The following BMAL1 variants were observed in gnomAD, a reference collection of about 807,000 sequenced individuals.
BMAL1 encodes the protein basic helix-loop-helix ARNT-like protein 1.
chr11:13,351,115 G>A, the BMAL1 span, among the ~76,000 whole-genome samples: 353 of 152,278 alleles, frequency 2.3e-3, 1 homozygote, highest in African/African-American at 8.2e-3. Context: ...AAAACATTAC[G>A]TAGGTGGCTG....
chr11:13,357,237 G>T, the BMAL1 span: 1 of 1,281,904 alleles, frequency 7.8e-7, no homozygotes. The surrounding 1 kb of genome is among the most constrained non-coding windows in gnomAD (Gnocchi z 4.8). Context: ...CAGGTAGTGG[G>T]CCTTGGCCGA....
At chr11:13,356,985 A>G in the BMAL1 span, 1 of 1,609,608 alleles carries the variant, frequency 6.2e-7, no homozygotes, top group Non-Finnish European at 8.5e-7. Context: ...AGAAGAAAAC[A>G]GCAATGTGTA....
chr11:13,320,948 G>A, the BMAL1 span, among the ~76,000 whole-genome samples: 1 of 152,212 alleles, frequency 6.6e-6, no homozygotes, highest in Non-Finnish European at 1.5e-5. Context: ...AGAGAAGATA[G>A]ACCATAAATA....
the BMAL1 span, among the ~76,000 whole-genome samples, chr11:13,341,369 A>G: frequency 6.6e-6 from 1 of 152,110 alleles, no homozygotes; most frequent in Admixed American, 6.5e-5. Context: ...CCAAGATCCT[A>G]TAATATTCCT....
chr11:13,295,914 G>A, the BMAL1 span, among the ~76,000 whole-genome samples: 2 of 152,066 alleles, frequency 1.3e-5, no homozygotes, highest in African/African-American at 4.8e-5. Flanking sequence ...GCCACCCCCA[G>A]TCCCCTTCCT....
At chr11:13,344,596 G>A in the BMAL1 span, among the ~76,000 whole-genome samples, 3 of 152,232 alleles carry the variant, frequency 2.0e-5, no homozygotes, top group Non-Finnish European at 4.4e-5. Context: ...GCAAACACCT[G>A]TTACCTTAGG....
At chr11:13,362,765 C>T in the BMAL1 span, among the ~76,000 whole-genome samples, 1 of 152,238 alleles carries the variant, frequency 6.6e-6, no homozygotes, top group African/African-American at 2.4e-5. Context: ...CGAGAGCTGC[C>T]GTCGGTGCCA....
At chr11:13,353,243 C>G in the BMAL1 span, 3 of 154,264 alleles carry the variant, frequency 1.9e-5, no homozygotes, top group South Asian at 2.1e-4. Flanking sequence ...CATCTGTCAC[C>G]CCATTGGTCG....
At chr11:13,339,183 C>T in the BMAL1 span, among the ~76,000 whole-genome samples, 1 of 152,210 alleles carries the variant, frequency 6.6e-6, no homozygotes, top group Non-Finnish European at 1.5e-5. Flanking sequence ...ATTGGCTTTT[C>T]CTTTAGAGCA....
At chr11:13,326,492 C>G in the BMAL1 span, 1 of 152,160 alleles carries the variant, frequency 6.6e-6, no homozygotes, top group African/African-American at 2.4e-5. Context: ...TGCATTCTCT[C>G]TAATCCTTAC....
At chr11:13,386,017 C>G in the BMAL1 span, among the ~76,000 whole-genome samples, 1 of 152,180 alleles carries the variant, frequency 6.6e-6, no homozygotes, top group East Asian at 1.9e-4. Context: ...CTACAGCTAC[C>G]TAGACATAGG....
chr11:13,334,248 T>G, the BMAL1 span, among the ~76,000 whole-genome samples: 4 of 152,222 alleles, frequency 2.6e-5, no homozygotes, highest in African/African-American at 9.6e-5. Flanking sequence ...GGTGCAAGAC[T>G]ATCTTACAGC....
At chr11:13,289,046 A>G in the BMAL1 span, among the ~76,000 whole-genome samples, 1 of 152,336 alleles carries the variant, frequency 6.6e-6, no homozygotes, top group African/African-American at 2.4e-5. Flanking sequence ...TAGTCACCAT[A>G]TAGCCAAAGC....
At chr11:13,373,886 C>A in the BMAL1 span, among the ~76,000 whole-genome samples, 22 of 152,144 alleles carry the variant, frequency 1.4e-4, no homozygotes, top group African/African-American at 5.1e-4. Flanking sequence ...CTCTGTTTCC[C>A]TCTATTTTTA....
chr11:13,353,717 T>C, the BMAL1 span, among the ~76,000 whole-genome samples: 1 of 152,192 alleles, frequency 6.6e-6, no homozygotes, highest in Non-Finnish European at 1.5e-5. Flanking sequence ...TCCCAGCGTT[T>C]TGGATGGCTG....
the BMAL1 span, chr11:13,366,626 T>C: frequency 1.7e-5 from 26 of 1,534,424 alleles, no homozygotes; most frequent in Non-Finnish European, 2.2e-5. Flanking sequence ...ATTTTCTGCA[T>C]GCAATTGACT....
At chr11:13,306,894 C>A in the BMAL1 span, among the ~76,000 whole-genome samples, 1 of 152,260 alleles carries the variant, frequency 6.6e-6, no homozygotes, top group Non-Finnish European at 1.5e-5. Context: ...CTCTCTACTG[C>A]AGACAGGCTG....
chr11:13,326,781 TAAATG>T, the BMAL1 span, among the ~76,000 whole-genome samples: 1 of 151,688 alleles, frequency 6.6e-6, no homozygotes, highest in African/African-American at 2.4e-5. Flanking sequence ...TGATAAAAAT[TAAATG>T]AAATGACCAG....
chr11:13,368,269 G>A, the BMAL1 span, among the ~76,000 whole-genome samples: 1 of 152,178 alleles, frequency 6.6e-6, no homozygotes, highest in African/African-American at 2.4e-5. Context: ...TCATGTGGGC[G>A]CAAGGACAGG....
Sources: gnomAD v4.1 joint callset for allele counts (sites outside exome capture counted in the v4.1 genomes callset) on GRCh38, gnomAD v4.1.1 for gene constraint, Gnocchi (gnomAD v3.1) non-coding constraint, MANE v1.5 for transcripts, NCBI Gene and HGNC (gene_info 2026-07-23, HGNC 2026-07-21) for gene names.